The following PRRC2C variants were observed in gnomAD, a reference collection of about 807,000 sequenced individuals.
PRRC2C encodes protein PRRC2C.
PRRC2C carries 72 observed loss-of-function variants against 317.2 expected under a neutral mutation model. That is an observed-to-expected ratio of 0.23 (90% CI 0.19 to 0.28). PRRC2C has a LOEUF of 0.28. Ranked by LOEUF, PRRC2C falls within the 10% of genes least tolerant of loss-of-function variation. The pLI is 1.00. For synonymous variants in PRRC2C, 1,296 were observed against 1,205.9 expected, an observed-to-expected ratio of 1.07 and a Z score of -1.55; for missense variants, 3,074 against 3,459.7, an observed-to-expected ratio of 0.89 and a Z score of 2.80.
Position 171,560,838 on chromosome 1 carries a change from T to C in PRRC2C, c.6032-180T>C, listed in dbSNP as rs573403796. 1.3e-4 allele frequency among the ~76,000 whole-genome samples: 20 copies of C among 152,352 alleles called. No homozygotes were observed. In the South Asian group the frequency reaches 3.7e-3, roughly 28 times the overall value. On this transcript the variant is annotated intron_variant, in intron 19 of 34. Coordinates refer to ENST00000647382, the MANE Select transcript of PRRC2C (RefSeq NM_001387844.1). ...TGGTCTGGAACTGAACCCACAATGTTTCTGGGGTATGCCTGTATGTTGATA... is the reference window on the plus strand; with the variant it reads ...TGGTCTGGAACTGAACCCACAATGTCTCTGGGGTATGCCTGTATGTTGATA...
At chr1:171,489,403 T>C (rs1403912046) in intron 1 of PRRC2C, among the ~76,000 whole-genome samples, 1 of 152,182 alleles carries the variant, frequency 6.6e-6, no homozygotes, top group African/African-American at 2.4e-5. Context: ...ACTCCCAAGG[T>C]GTTCACAGCC....
chr1:171,558,449 T>C (rs1445918620), intron 19 of PRRC2C, among the ~76,000 whole-genome samples: 1 of 56,666 alleles, frequency 1.8e-5, no homozygotes, highest in Non-Finnish European at 4.0e-5. Flanking sequence ...AAATTAAAAG[T>C]TCATGGTAAC....
chr1:171,545,740 T>TATTC (rs1469585094), intron 17 of PRRC2C, 53 bp downstream of exon 17: 17 of 874,494 alleles, frequency 1.9e-5, no homozygotes, highest in Non-Finnish European at 5.9e-6. Flanking sequence ...TTTATTTATT[T>TATTC]ATTTATTTGC....
chr1:171,572,542 T>TA (rs1361712194), intron 24 of PRRC2C, among the ~76,000 whole-genome samples: 1 of 152,226 alleles, frequency 6.6e-6, no homozygotes, highest in African/African-American at 2.4e-5. Flanking sequence ...GCTTAACAAA[T>TA]ATAAGTTTGA....
chr1:171,575,040 A>G lies in PRRC2C; in HGVS notation c.6867A>G (p.Gly2289=). 6.2e-7 allele frequency: 1 copy of G among 1,613,850 alleles called. No homozygotes were observed. The highest frequency in any genetic ancestry group is 1.1e-5 in the South Asian group (1 of 91,044). ...CTGGAGTCAGCAGTAGTGCCAGTGG[A>G]CCAAGCACTGCTAATTACAATTCGT... ...IATGVSSSAS[G]PSTANYNSFS... Residue 2289 remains glycine, a synonymous_variant, in exon 25 of 35, where the codon GGA becomes GGG. Transcript: ENST00000647382.
rs778001715 is a variant in PRRC2C at position 171,513,155 on chromosome 1, G to A, written c.273G>A (p.Glu91=). ...KDGTGWASKQ[E]QHEEEKTPEV... ...GCACAGGGTGGGCATCAAAACAAGA[G>A]CAACATGAAGAAGAAAAGTGAGTCA... Residue 91 remains glutamate (E), a synonymous_variant, in exon 3 of 35, where the codon GAG becomes GAA. Transcript: ENST00000647382. 49 of 1,610,990 alleles carry A rather than the reference G, an allele frequency of 3.0e-5. No individual in the cohort carries two copies. Among genetic ancestry groups the A allele is most frequent in the Admixed American group, 2.2e-4 (13 of 59,240 alleles).
chr1:171,496,405 G>A (rs950007858), intron 1 of PRRC2C, among the ~76,000 whole-genome samples: 20 of 151,886 alleles, frequency 1.3e-4, no homozygotes, highest in Admixed American at 1.3e-3. Flanking sequence ...ATTTTGCCAT[G>A]TTGGCCAGGC....
rs1333574871 is a variant in PRRC2C, at chr1:171,541,580, T to C, written c.4114T>C (p.Tyr1372His). 8 of 1,613,580 alleles carry C rather than the reference T, an allele frequency of 5.0e-6. No homozygotes were observed. The highest frequency in any genetic ancestry group is 1.1e-5 in the South Asian group (1 of 91,076). Residue 1372 changes from tyrosine (Y) to histidine (H), a missense_variant, in exon 16 of 35, where the codon TAT (tyrosine) becomes CAT (histidine). Around this residue, in one of 11 missense-constraint regions of PRRC2C, gnomAD observed 1,320 missense variants for 1,395.7 expected, o/e 0.95. Coordinates refer to ENST00000647382, the MANE Select transcript of PRRC2C (RefSeq NM_001387844.1). The surrounding 1 kb of genome is among the most constrained non-coding windows in gnomAD (Gnocchi z 4.1). ...SRPSTLRRPA[Y>H]RDNQWNPRQS... is the part of the protein sequence containing the mutation. The stretch of plus-strand genomic sequence containing the variant: ...CCCTTCCACTTTACGAAGACCAGCT[T>C]ATCGGGACAATCAGTGGAACCCAAG...
intron 1 of PRRC2C, among the ~76,000 whole-genome samples, chr1:171,506,684 T>C (rs1670297671): frequency 8.9e-6 from 1 of 112,810 alleles, no homozygotes; most frequent in Non-Finnish European, 1.9e-5. Flanking sequence ...CTATTTTTTT[T>C]CTTTGTGTGT....
At chr1:171,491,751 T>C (rs983753716) in intron 1 of PRRC2C, among the ~76,000 whole-genome samples, 3 of 152,330 alleles carry the variant, frequency 2.0e-5, no homozygotes, top group South Asian at 2.1e-4. Context: ...CAAGAAACTA[T>C]ATTAAATATC....
chr1:171,518,403 G>GA (rs1259957937), intron 6 of PRRC2C, among the ~76,000 whole-genome samples: 1 of 146,144 alleles, frequency 6.8e-6, no homozygotes, highest in Non-Finnish European at 1.5e-5. Flanking sequence ...GTGGTTCATG[G>GA]AAAAAATGAT....
Position 171,566,195 on chromosome 1 carries a change from A to G in PRRC2C, c.6118-38A>G, listed in dbSNP as rs748452741. ...TTCATAAATCAGTCACATCTGAACT[A>G]TACTTTGCAAGCAAGTTTTAAAATA... On this transcript the variant is annotated intron_variant, in intron 20 of 34. Coordinates refer to ENST00000647382, the MANE Select transcript of PRRC2C (RefSeq NM_001387844.1). The G allele has an allele frequency of 4.5e-6, 7 of 1,539,186 alleles. No individual in the cohort carries two copies. In the South Asian group the frequency reaches 7.2e-5, roughly 16 times the overall value.
chr1:171,563,688 C>G (rs969188641), intron 20 of PRRC2C, among the ~76,000 whole-genome samples: 1 of 152,106 alleles, frequency 6.6e-6, no homozygotes, highest in African/African-American at 2.4e-5. Flanking sequence ...CTTAGTAGGT[C>G]TAGAGTAGGC....
At chr1:171,537,618 T>C in intron 15 of PRRC2C, 145 bp downstream of exon 15, 1 of 751,284 alleles carries the variant, frequency 1.3e-6, no homozygotes, top group Non-Finnish European at 2.1e-6. Flanking sequence ...ACGCTTACTC[T>C]TTGGACATAT....
intron 34 of PRRC2C, among the ~76,000 whole-genome samples, chr1:171,590,890 G>C (rs1053389245): frequency 2.6e-5 from 4 of 152,130 alleles, no homozygotes; most frequent in African/African-American, 9.7e-5. Flanking sequence ...CAAACTTCTT[G>C]AAAATTGCTT....
intron 31 of PRRC2C, 74 bp downstream of exon 31, chr1:171,587,295 T>A (rs1443535414): frequency 1.5e-6 from 2 of 1,343,724 alleles, no homozygotes; most frequent in Admixed American, 2.7e-5. Context: ...ATCTGTGTTA[T>A]CTAAAAAACT....
At chr1:171,517,881 T>TAA (rs907857289) in intron 6 of PRRC2C, 67 bp downstream of exon 6, 37 of 1,367,386 alleles carry the variant, frequency 2.7e-5, no homozygotes, top group Admixed American at 1.1e-4. Flanking sequence ...AGGAGCGAAT[T>TAA]GTTATAGGGA....
intron 1 of PRRC2C, among the ~76,000 whole-genome samples, chr1:171,503,964 G>T (rs533982833): frequency 6.6e-6 from 1 of 152,046 alleles, no homozygotes; most frequent in African/African-American, 2.4e-5. Flanking sequence ...GGAAAAACCC[G>T]TCCCCATGAT....
At chr1:171,552,853 G>C (rs1680565344) in intron 18 of PRRC2C, among the ~76,000 whole-genome samples, 1 of 152,182 alleles carries the variant, frequency 6.6e-6, no homozygotes, top group East Asian at 1.9e-4. Context: ...TGTGCTGCTG[G>C]ATTTGGTTGA....
Sources: gnomAD v4.1 joint callset for allele counts (sites outside exome capture counted in the v4.1 genomes callset) on GRCh38, gnomAD v4.1.1 for gene constraint, gnomAD v4.1.1 regional missense constraint, Gnocchi (gnomAD v3.1) non-coding constraint, MANE v1.5 for transcripts, NCBI Gene and HGNC (gene_info 2026-07-23, HGNC 2026-07-21) for gene names.